The following NALF1 variants were observed in gnomAD, a reference collection of about 807,000 sequenced individuals.
NALF1 encodes family with sequence similarity 155 member A.
A neutral mutation model predicts 48.4 loss-of-function variants in NALF1; 3 were observed. That is an observed-to-expected ratio of 0.06 (90% CI 0.03 to 0.16). NALF1 has a LOEUF of 0.16. Among genes scored for constraint, NALF1 ranks in the 10% least tolerant of loss-of-function variants. The probability of loss-of-function intolerance (pLI) is 1.00; values close to 1 mark genes in which losing one functional copy is unlikely to be tolerated. For missense variants in NALF1, 526 were observed against 571.5 expected (o/e 0.92, Z 0.81); for synonymous variants, 262 against 245.7 (o/e 1.07, Z -0.62).
chr13:107,600,822 T>G (rs1226201899), intron 1 of NALF1, among the ~76,000 whole-genome samples: 1 of 152,198 alleles, frequency 6.6e-6, no homozygotes, highest in Non-Finnish European at 1.5e-5. Flanking sequence ...TAACTTGACC[T>G]CGATAGTATT....
intron 1 of NALF1, among the ~76,000 whole-genome samples, chr13:107,704,823 GCTCA>G (rs1265379951): frequency 6.6e-6 from 1 of 152,062 alleles, no homozygotes; most frequent in African/African-American, 2.4e-5. Flanking sequence ...AATTTCTCTA[GCTCA>G]CTATTTCACA....
intron 1 of NALF1, among the ~76,000 whole-genome samples, chr13:107,350,286 G>T (rs1446714653): frequency 6.6e-6 from 1 of 151,130 alleles, no homozygotes; most frequent in Non-Finnish European, 1.5e-5. Flanking sequence ...ACTTAATTGT[G>T]TAATAATATT....
chr13:107,721,639 C>T (rs1176595759), intron 1 of NALF1, among the ~76,000 whole-genome samples: 2 of 152,164 alleles, frequency 1.3e-5, no homozygotes, highest in Non-Finnish European at 2.9e-5. Flanking sequence ...CTGGGACCTG[C>T]CCAGAAGGTA....
chr13:107,666,929 G>T (rs935573111), intron 1 of NALF1, among the ~76,000 whole-genome samples: 2 of 152,122 alleles, frequency 1.3e-5, no homozygotes, highest in African/African-American at 4.8e-5. Context: ...ATCCTGTTCA[G>T]GTATGTTAGA....
At chr13:107,837,544 T>C (rs1220169958) in intron 1 of NALF1, among the ~76,000 whole-genome samples, 1 of 152,108 alleles carries the variant, frequency 6.6e-6, no homozygotes, top group Non-Finnish European at 1.5e-5. Flanking sequence ...GTTCTGTAAG[T>C]ACAGAGGACA....
intron 1 of NALF1, among the ~76,000 whole-genome samples, chr13:107,854,437 C>CT (rs1321869617): frequency 1.3e-4 from 20 of 152,372 alleles, no homozygotes; most frequent in South Asian, 1.0e-3. Context: ...CTGCTGTTCA[C>CT]TACGGCCGGA....
At chr13:107,325,809 C>T (rs1882341095) in intron 1 of NALF1, among the ~76,000 whole-genome samples, 1 of 139,006 alleles carries the variant, frequency 7.2e-6, no homozygotes, top group Non-Finnish European at 1.5e-5. Flanking sequence ...CCACTGCATT[C>T]CAGCCTGGGC....
intron 1 of NALF1, among the ~76,000 whole-genome samples, chr13:107,338,299 G>T (rs1314424579): frequency 1.3e-5 from 2 of 152,158 alleles, no homozygotes; most frequent in African/African-American, 4.8e-5. Flanking sequence ...CTTTTACGTG[G>T]TTGGTGCCTG....
chr13:107,257,200 C>A (rs1476561721), intron 1 of NALF1, among the ~76,000 whole-genome samples: 1 of 152,098 alleles, frequency 6.6e-6, no homozygotes, highest in Non-Finnish European at 1.5e-5. Context: ...CCAGTCACCT[C>A]CCTCCCTTGA....
At chr13:107,659,558 A>C (rs9583186) in intron 1 of NALF1, among the ~76,000 whole-genome samples, 4 of 151,818 alleles carry the variant, frequency 2.6e-5, no homozygotes, top group African/African-American at 9.7e-5. Context: ...ATTATAGTAG[A>C]ATTGCCTATC....
intron 1 of NALF1, among the ~76,000 whole-genome samples, chr13:107,255,542 A>G (rs1325158502): frequency 1.3e-5 from 2 of 151,466 alleles, no homozygotes; most frequent in African/African-American, 4.9e-5. Context: ...GGAAGGAGCA[A>G]GGATAATCAA....
chr13:107,845,762 G>C (rs1880155622), intron 1 of NALF1, among the ~76,000 whole-genome samples: 1 of 151,862 alleles, frequency 6.6e-6, no homozygotes, highest in Admixed American at 6.6e-5. Context: ...TTAAACTACT[G>C]ACATTTTAAA....
chr13:107,834,850 C>T (rs1879844755), intron 1 of NALF1, among the ~76,000 whole-genome samples: 1 of 152,152 alleles, frequency 6.6e-6, no homozygotes, highest in Admixed American at 6.5e-5. Flanking sequence ...TAACAAATTC[C>T]TCAGAAAGGT....
At chr13:107,271,644 A>G (rs1881167701) in intron 1 of NALF1, among the ~76,000 whole-genome samples, 1 of 151,784 alleles carries the variant, frequency 6.6e-6, no homozygotes, top group Non-Finnish European at 1.5e-5. Context: ...ATAATTTGTT[A>G]GTCAGCAGTT....
intron 1 of NALF1, among the ~76,000 whole-genome samples, chr13:107,743,865 G>T (rs1221156065): frequency 6.6e-6 from 1 of 152,152 alleles, no homozygotes; most frequent in Non-Finnish European, 1.5e-5. Flanking sequence ...TAGGCAATAG[G>T]GAGTCTTAAT....
At chr13:107,645,057 T>G (rs558496364) in intron 1 of NALF1, among the ~76,000 whole-genome samples, 1 of 152,172 alleles carries the variant, frequency 6.6e-6, no homozygotes, top group Non-Finnish European at 1.5e-5. Context: ...GATGAGCATT[T>G]AGAGTTTCCA....
chr13:107,187,647 C>T (rs898315960), intron 2 of NALF1, among the ~76,000 whole-genome samples: 24 of 152,218 alleles, frequency 1.6e-4, no homozygotes, highest in African/African-American at 5.1e-4. Flanking sequence ...TGGAGACAGC[C>T]GGGCAGCTCA....
At chr13:107,627,045 G>T (rs1200671273) in intron 1 of NALF1, among the ~76,000 whole-genome samples, 2 of 152,060 alleles carry the variant, frequency 1.3e-5, no homozygotes, top group African/African-American at 2.4e-5. Context: ...TCTCCAAGTT[G>T]AGTCAATTTC....
intron 1 of NALF1, among the ~76,000 whole-genome samples, chr13:107,232,969 A>G (rs1271163273): frequency 1.3e-5 from 2 of 152,192 alleles, no homozygotes; most frequent in Non-Finnish European, 1.5e-5. Context: ...TTACACAGGT[A>G]GTTAGTGTCA....
Sources: allele counts gnomAD v4.1 joint callset (sites outside exome capture counted in the v4.1 genomes callset), GRCh38; gene constraint gnomAD v4.1.1; transcripts MANE v1.5; gene names NCBI Gene and HGNC (gene_info 2026-07-23, HGNC 2026-07-21).